Variants in KIF4A observed in about 807,000 individuals in gnomAD.
KIF4A encodes chromosome-associated kinesin KIF4A.
Under a neutral mutation model 105.9 loss-of-function variants are expected in KIF4A, and 7 were observed. That is an observed-to-expected ratio of 0.07 (90% CI 0.04 to 0.12). The LOEUF is 0.12. KIF4A is among the 10% of genes least tolerant of loss of function. The pLI is 1.00. For synonymous variants in KIF4A, 281 were observed against 331.3 expected, an observed-to-expected ratio of 0.85 and a Z score of 1.65; for missense variants, 558 against 929.2, an observed-to-expected ratio of 0.60 and a Z score of 5.19.
At chrX:70,302,258 C>G (rs1273004923) in intron 6 of KIF4A, 46 bp from the exon 7 acceptor site, 1 of 1,184,561 alleles carries the variant, frequency 8.4e-7, no homozygotes. Context: ...CAGTTACTCT[C>G]AAGCTTGTGT....
intron 19 of KIF4A, 48 bp from the exon 20 acceptor site, chrX:70,387,136 T>A (rs1211454871): frequency 1.7e-5 from 15 of 884,997 alleles, no homozygotes; most frequent in Non-Finnish European, 2.2e-5. Flanking sequence ...AATTGGATTT[T>A]TTTTTTTTAC....
intron 4 of KIF4A, among the ~76,000 whole-genome samples, chrX:70,298,378 C>T (rs987157171): frequency 2.7e-5 from 3 of 109,735 alleles, no homozygotes; most frequent in South Asian, 4.2e-4. Context: ...GGACTACAAG[C>T]GTGTGCCACT....
intron 18 of KIF4A, among the ~76,000 whole-genome samples, chrX:70,380,431 A>T (rs1157865868): frequency 8.9e-6 from 1 of 112,583 alleles, no homozygotes; most frequent in African/African-American, 3.2e-5. Flanking sequence ...GACAAGAACC[A>T]CATGATCATC....
Position 70,404,759 on chromosome X carries a change from G to A in KIF4A, c.2835G>A (p.Glu945=). 8.3e-7 allele frequency: 1 copy of A among 1,209,092 alleles called. No homozygotes were observed. The stretch of plus-strand genomic sequence containing the variant: ...AGCTGCAGCAAAGCCAAATGGCAGA[G>A]AAGCAGTTAGAGGAATCAGTCAGTG... The part of the protein sequence containing the change: ...LSQLQQSQMA[E]KQLEESVSEK... The change falls in exon 25 of 31, where the codon GAG becomes GAA. Residue 945 remains glutamate (E), a synonymous_variant. Transcript: ENST00000374403.
In KIF4A at chrX:70,347,270, A is replaced by G. The variant is rs1019525496; in HGVS notation, c.1431+3288A>G. 4.6e-4 allele frequency among the ~76,000 whole-genome samples: 51 copies of G among 111,898 alleles called. 1 individual carries two copies. The highest frequency in any genetic ancestry group is 3.8e-5 in the Non-Finnish European group (2 of 53,229). Reference sequence around the variant, plus strand: ...TTCCCCTAACCATCACCTTTATGAAATCACGTTTTATTTTTAAGAGGTTCT... The same window carrying G: ...TTCCCCTAACCATCACCTTTATGAAGTCACGTTTTATTTTTAAGAGGTTCT... On this transcript the variant is annotated intron_variant, in intron 13 of 30. Transcript: ENST00000374403.
At chrX:70,396,578 T>C (rs180805762) in intron 22 of KIF4A, among the ~76,000 whole-genome samples, 107 of 111,844 alleles carry the variant, frequency 9.6e-4, no homozygotes, top group Non-Finnish European at 1.5e-3. Context: ...GGCACCATAA[T>C]TTTTGATGCA....
At chrX:70,373,139 G>A (rs1328591063) in intron 15 of KIF4A, among the ~76,000 whole-genome samples, 1 of 109,671 alleles carries the variant, frequency 9.1e-6, no homozygotes, top group African/African-American at 3.3e-5. Context: ...CAAGTTGGTG[G>A]CAGACTCCTG....
At chrX:70,315,415 C>T (rs1461543417) in intron 7 of KIF4A, among the ~76,000 whole-genome samples, 6 of 111,898 alleles carry the variant, frequency 5.4e-5, no homozygotes, top group Non-Finnish European at 9.4e-5. Flanking sequence ...ATGATAATTG[C>T]TATTGGTGTT....
chrX:70,372,145 C>T (rs1461942384), intron 15 of KIF4A, among the ~76,000 whole-genome samples: 3 of 106,058 alleles, frequency 2.8e-5, no homozygotes, highest in Admixed American at 9.9e-5. Context: ...CAGAGACGCT[C>T]CTCACTTTCC....
At chrX:70,313,268 A>G (rs2147666704) in intron 7 of KIF4A, among the ~76,000 whole-genome samples, 1 of 111,945 alleles carries the variant, frequency 8.9e-6, no homozygotes, top group Non-Finnish European at 1.9e-5. Context: ...GTATTTCTTC[A>G]CCTACTTTCT....
At chrX:70,372,190 C>G (rs1380306336) in intron 15 of KIF4A, among the ~76,000 whole-genome samples, 3 of 109,173 alleles carry the variant, frequency 2.7e-5, no homozygotes, top group African/African-American at 1.0e-4. Flanking sequence ...CTCCTCACGT[C>G]CCAGACGATG....
intron 22 of KIF4A, among the ~76,000 whole-genome samples, chrX:70,401,119 C>T (rs1422283603): frequency 4.4e-5 from 4 of 90,224 alleles, no homozygotes; most frequent in Non-Finnish European, 8.5e-5. Context: ...CTTGCTCTGT[C>T]GCCAGGCTGG....
chrX:70,403,543 T>A (rs1321120779), intron 23 of KIF4A, among the ~76,000 whole-genome samples: 3 of 112,883 alleles, frequency 2.7e-5, no homozygotes, highest in Non-Finnish European at 3.7e-5. Flanking sequence ...AATATCAGAA[T>A]TTGTAATTGT....
At position 70,420,804 on chromosome X, in the gene KIF4A, GT is replaced by G. The variant is rs2086363755; in HGVS notation, c.*540del. The stretch of plus-strand genomic sequence containing the variant: ...TGAATTATTTTTAAATGTTAAGTAA[GT>G]AAATAAACCTTAGCCCGTCTACTGT... On this transcript the variant is annotated 3_prime_UTR_variant, in exon 31 of 31. Transcript: ENST00000374403. The G allele has an allele frequency of 1.7e-5, 2 of 116,286 alleles. No homozygotes were observed. Among genetic ancestry groups the G allele is most frequent in the African/African-American group, 6.5e-5 (2 of 30,590 alleles). 9.6% of individuals were successfully genotyped at this position (116,286 alleles called of 1,213,427 possible).
chrX:70,334,432 C>T (rs753476686), intron 10 of KIF4A, among the ~76,000 whole-genome samples: 23 of 111,994 alleles, frequency 2.1e-4, no homozygotes, highest in Non-Finnish European at 4.0e-4. Flanking sequence ...TTCATTTTGG[C>T]TTTCCCCCTT....
chrX:70,404,490 T>C (rs1205809839), intron 24 of KIF4A, among the ~76,000 whole-genome samples: 2 of 106,217 alleles, frequency 1.9e-5, no homozygotes, highest in Non-Finnish European at 3.9e-5. Flanking sequence ...CTGTGAGCCA[T>C]GATCGTGCCA....
At position 70,291,050 on chromosome X, in the gene KIF4A, A is replaced by T. The variant is rs776964117; in HGVS notation, c.235+245A>T. On this transcript the variant is annotated intron_variant, in intron 3 of 30. Coordinates refer to ENST00000374403, the MANE Select transcript of KIF4A (RefSeq NM_012310.5). ...ATATGTTTGTTTATCCTGGAACTTC[A>T]TTAGATTATAAACTCTGTGGTGGTT... Among the ~76,000 whole-genome samples the T allele has an allele frequency of 4.5e-5, 5 of 110,956 alleles. No individual in the cohort carries two copies. The South Asian group carries it at 1.9e-3, about 43-fold the overall frequency.
chrX:70,411,024 C>T (rs1379179764), intron 28 of KIF4A, among the ~76,000 whole-genome samples: 3 of 112,666 alleles, frequency 2.7e-5, no homozygotes, highest in African/African-American at 9.7e-5. Flanking sequence ...GTGAAGGATA[C>T]AGTATCATGC....
At chrX:70,311,532 A>G (rs1345480993) in intron 7 of KIF4A, among the ~76,000 whole-genome samples, 1 of 112,349 alleles carries the variant, frequency 8.9e-6, no homozygotes, top group Admixed American at 9.4e-5. Flanking sequence ...AGTTTCAGCA[A>G]TGACTAATTT....
Sources: allele counts gnomAD v4.1 joint callset (sites outside exome capture counted in the v4.1 genomes callset), GRCh38; gene constraint gnomAD v4.1.1; transcripts MANE v1.5; gene names NCBI Gene and HGNC (gene_info 2026-07-23, HGNC 2026-07-21).